Variants in SNTG1 observed in about 807,000 individuals in gnomAD.
The protein encoded by SNTG1 is syntrophin gamma 1.
SNTG1 carries 39 observed loss-of-function variants against 74.7 expected under a neutral mutation model. The observed-to-expected ratio is 0.52, with a 90% CI of 0.40 to 0.68. The LOEUF (loss-of-function observed/expected upper bound fraction) is 0.68. Ranked by LOEUF, SNTG1 falls within the 30% of genes least tolerant of loss-of-function variation. The pLI is 0.00. For missense variants in SNTG1, 685 were observed against 609.5 expected, an observed-to-expected ratio of 1.12 and a Z score of -1.30; for synonymous variants, 254 against 217.1, an observed-to-expected ratio of 1.17 and a Z score of -1.49.
chr8:49,976,012 T>C (rs182690359), intron 1 of SNTG1, among the ~76,000 whole-genome samples: 25 of 152,278 alleles, frequency 1.6e-4, no homozygotes, highest in Middle Eastern at 3.4e-3. Flanking sequence ...GTTATTCTTA[T>C]TTTTATTTCA....
intron 2 of SNTG1, among the ~76,000 whole-genome samples, chr8:50,190,718 G>T (rs2083540923): frequency 6.6e-6 from 1 of 152,088 alleles, no homozygotes; most frequent in Non-Finnish European, 1.5e-5. Context: ...ACCTTTGAAA[G>T]CCATTTTACT....
intron 11 of SNTG1, among the ~76,000 whole-genome samples, chr8:50,543,526 T>A (rs1443430945): frequency 6.6e-6 from 1 of 152,150 alleles, no homozygotes; most frequent in Non-Finnish European, 1.5e-5. Context: ...TTTTTTCAGT[T>A]GTTCATTCCT....
intron 2 of SNTG1, among the ~76,000 whole-genome samples, chr8:50,212,533 A>G (rs952656204): frequency 2.6e-5 from 4 of 152,150 alleles, no homozygotes; most frequent in African/African-American, 9.7e-5. Context: ...CATGCTCTCC[A>G]AGAATTCATG....
At chr8:50,026,918 G>T (rs764051098) in intron 1 of SNTG1, among the ~76,000 whole-genome samples, 1 of 152,100 alleles carries the variant, frequency 6.6e-6, no homozygotes, top group Non-Finnish European at 1.5e-5. Flanking sequence ...AAATGCACAA[G>T]CCCCAAATGT....
At chr8:50,558,508 A>T (rs1028200792) in intron 12 of SNTG1, among the ~76,000 whole-genome samples, 2 of 152,240 alleles carry the variant, frequency 1.3e-5, no homozygotes, top group Non-Finnish European at 2.9e-5. Flanking sequence ...ATTAATCATT[A>T]TTCAATTTTT....
At chr8:50,093,213 C>A (rs2079804465) in intron 1 of SNTG1, among the ~76,000 whole-genome samples, 1 of 152,032 alleles carries the variant, frequency 6.6e-6, no homozygotes, top group African/African-American at 2.4e-5. Flanking sequence ...ATCCAAATGA[C>A]CTGGAGGTCT....
chr8:50,159,894 T>C (rs1411577688), intron 1 of SNTG1, among the ~76,000 whole-genome samples: 6 of 152,162 alleles, frequency 3.9e-5, no homozygotes, highest in Admixed American at 1.3e-4. Flanking sequence ...CCAGCAGCAG[T>C]TGAAGAAATT....
rs575502226 is a variant in SNTG1 at position 50,338,113 on chromosome 8, G to A, written c.-27-56099G>A. Reference sequence around the variant, plus strand: ...ATTGCGCCTGCACTCCAGACTGGGCGACAGAGCAAGACTCTGTCTCAAAAA... The same window carrying A: ...ATTGCGCCTGCACTCCAGACTGGGCAACAGAGCAAGACTCTGTCTCAAAAA... On this transcript the variant is annotated intron_variant, in intron 2 of 18. Coordinates refer to ENST00000642720, the MANE Select transcript of SNTG1 (RefSeq NM_018967.5). Among the ~76,000 whole-genome samples, 89 of 151,686 alleles carry A rather than the reference G, an allele frequency of 5.9e-4. No individual in the cohort carries two copies. In the East Asian group the frequency reaches 0.01, roughly 18 times the overall value.
At chr8:50,422,680 G>C (rs544851770) in intron 4 of SNTG1, among the ~76,000 whole-genome samples, 1 of 152,216 alleles carries the variant, frequency 6.6e-6, no homozygotes, top group South Asian at 2.1e-4. Context: ...GGAACCACAG[G>C]AGTGGGGTTG....
intron 2 of SNTG1, among the ~76,000 whole-genome samples, chr8:50,289,551 T>A (rs756801792): frequency 5.9e-5 from 9 of 152,192 alleles, no homozygotes; most frequent in Non-Finnish European, 8.8e-5. Context: ...AGTTCTTGCA[T>A]TTTTAATTAT....
chr8:50,384,495 T>C lies in SNTG1; in HGVS notation c.-27-9717T>C, dbSNP rs2092542364. ...CATGCTGACCTTTCCATGATGTAAG[T>C]GTGGCCCAATACAATAAACCTGCCA... is the stretch of plus-strand genomic sequence containing the variant. On this transcript the variant is annotated intron_variant, in intron 2 of 18. Coordinates refer to ENST00000642720, the MANE Select transcript of SNTG1 (RefSeq NM_018967.5). 1.3e-5 allele frequency among the ~76,000 whole-genome samples: 2 copies of C among 152,314 alleles called. 1 individual carries two copies.
intron 9 of SNTG1, among the ~76,000 whole-genome samples, chr8:50,527,019 T>C (rs1441372058): frequency 6.6e-6 from 1 of 152,166 alleles, no homozygotes; most frequent in African/African-American, 2.4e-5. Context: ...GATGCTCAAA[T>C]ATTTCTTCCA....
At chr8:50,281,006 A>G (rs917754579) in intron 2 of SNTG1, among the ~76,000 whole-genome samples, 3 of 145,916 alleles carry the variant, frequency 2.1e-5, no homozygotes, top group African/African-American at 2.5e-5. Flanking sequence ...AAAAAAAAAA[A>G]GAAAGAAAGA....
Position 50,708,786 on chromosome 8 carries a change from A to C in SNTG1, c.1192-100A>C, listed in dbSNP as rs1392141285. 48 of 650,254 alleles carry C rather than the reference A, an allele frequency of 7.4e-5. No homozygotes were observed. In the Middle Eastern group the frequency reaches 1.4e-3, roughly 19 times the overall value. 40.3% of individuals were successfully genotyped at this position (650,254 alleles called of 1,614,324 possible). On this transcript the variant is annotated intron_variant, in intron 16 of 18. Coordinates refer to ENST00000642720, the MANE Select transcript of SNTG1 (RefSeq NM_018967.5). ...ACAATTATTGTTAATATTAAATTAG[A>C]TATTGTATGAAGTACTTATTGCAGA...
At chr8:50,693,918 T>A (rs1341759983) in intron 15 of SNTG1, among the ~76,000 whole-genome samples, 6 of 151,906 alleles carry the variant, frequency 3.9e-5, no homozygotes, top group Non-Finnish European at 8.8e-5. Flanking sequence ...CAAATGAAAA[T>A]GAAAACATAA....
intron 2 of SNTG1, among the ~76,000 whole-genome samples, chr8:50,274,325 G>A (rs1228565461): frequency 6.6e-6 from 1 of 151,904 alleles, no homozygotes; most frequent in African/African-American, 2.4e-5. Flanking sequence ...GACCTCAAGT[G>A]ATCCACTCAC....
chr8:50,601,605 G>A (rs531384670), intron 13 of SNTG1, among the ~76,000 whole-genome samples: 2 of 152,250 alleles, frequency 1.3e-5, no homozygotes, highest in South Asian at 2.1e-4. Flanking sequence ...GAAGCTGTTG[G>A]ATGAAATATT....
At chr8:49,951,656 C>G (rs1277984564) in intron 1 of SNTG1, among the ~76,000 whole-genome samples, 1 of 151,162 alleles carries the variant, frequency 6.6e-6, no homozygotes, top group East Asian at 2.0e-4. Context: ...ATACCTAAGG[C>G]TAGATGACGA....
chr8:50,269,106 C>T (rs1212050958), intron 2 of SNTG1, among the ~76,000 whole-genome samples: 1 of 152,140 alleles, frequency 6.6e-6, no homozygotes, highest in African/African-American at 2.4e-5. Context: ...AAATGAATTA[C>T]TGGTTTAAAC....
Sources: gnomAD v4.1 joint callset for allele counts (sites outside exome capture counted in the v4.1 genomes callset) on GRCh38, gnomAD v4.1.1 for gene constraint, MANE v1.5 for transcripts, NCBI Gene and HGNC (gene_info 2026-07-23, HGNC 2026-07-21) for gene names.